SYTL3: variants seen among roughly 807,000 people sequenced by gnomAD.
SYTL3 encodes synaptotagmin-like protein 3.
SYTL3 carries 88 observed loss-of-function variants against 82.1 expected under a neutral mutation model. That is an observed-to-expected ratio of 1.07 (90% CI 0.90 to 1.28). SYTL3 has a LOEUF of 1.28. SYTL3 is among the 50% of genes most tolerant of loss of function. The pLI is 0.00. For missense variants in SYTL3, 831 were observed against 757.6 expected (o/e 1.10, Z -1.14); for synonymous variants, 311 against 289.4 (o/e 1.07, Z -0.76).
chr6:158,760,279 G>A (rs183799524), intron 14 of SYTL3, among the ~76,000 whole-genome samples: 43 of 152,296 alleles, frequency 2.8e-4, no homozygotes, highest in Admixed American at 2.3e-3. Context: ...ACCTGGGTGG[G>A]GTGGATGGGG....
chr6:158,655,734 G>T (rs317792), intron 2 of SYTL3, among the ~76,000 whole-genome samples: 102,480 of 151,984 alleles, frequency 0.67, 35,159 homozygotes, highest in African/African-American at 0.8. Context: ...TCATAGCACC[G>T]CCGTGAAGTG....
At chr6:158,737,727 C>G (rs987994127) in intron 11 of SYTL3, among the ~76,000 whole-genome samples, 5 of 152,238 alleles carry the variant, frequency 3.3e-5, no homozygotes, top group Non-Finnish European at 5.9e-5. Flanking sequence ...ACCAGGAGCC[C>G]TGCCAGGGCG....
chr6:158,709,006 G>T (rs963982418), intron 8 of SYTL3, among the ~76,000 whole-genome samples: 2 of 152,240 alleles, frequency 1.3e-5, no homozygotes, highest in African/African-American at 4.8e-5. Flanking sequence ...GGAGGCCGAG[G>T]TGGGTCACTT....
At chr6:158,728,703 G>A (rs1391068802) in intron 11 of SYTL3, among the ~76,000 whole-genome samples, 1 of 151,152 alleles carries the variant, frequency 6.6e-6, no homozygotes, top group East Asian at 1.9e-4. Context: ...CACTTTGGGA[G>A]GCCAAGGCGG....
chr6:158,760,667 C>T lies in SYTL3; in HGVS notation c.1336C>T (p.Gln446Ter). Residue 446 changes from glutamine (Q) to a stop codon, truncating the protein, a stop_gained, in exon 15 of 18, where the codon CAG (glutamine) becomes TAG (stop). Coordinates refer to ENST00000611299, the MANE Select transcript of SYTL3 (RefSeq NM_001242394.2). LOFTEE classifies it high-confidence loss of function. ...GGAGAAATACGAAGACAGCGTTCCT[C>T]AGAGTAATGGAGAGCTCACAGTCCG... ...KAEKYEDSVP[Q>*]SNGELTVRAK... is the part of the protein sequence containing the mutation. 1 of 1,614,082 alleles carries T rather than the reference C, an allele frequency of 6.2e-7. No individual in the cohort carries two copies.
At chr6:158,671,758 T>A (rs1436802126) in intron 5 of SYTL3, among the ~76,000 whole-genome samples, 3 of 151,622 alleles carry the variant, frequency 2.0e-5, no homozygotes, top group Non-Finnish European at 4.4e-5. Flanking sequence ...AAGATAATTA[T>A]TTAAATTATT....
In SYTL3 at chr6:158,745,564, A is replaced by C. The variant is rs763827654; in HGVS notation, c.940A>C (p.Ile314Leu). The C allele has an allele frequency of 1.6e-5, 26 of 1,613,920 alleles. No individual in the cohort carries two copies. The highest frequency in any genetic ancestry group is 2.2e-5 in the Non-Finnish European group (26 of 1,179,956). Residue 314 changes from isoleucine to leucine, a missense_variant, in exon 12 of 18, where the codon ATT (isoleucine) becomes CTT (leucine). Coordinates refer to ENST00000611299, the MANE Select transcript of SYTL3 (RefSeq NM_001242394.2). Reference sequence around the variant, plus strand: ...TGTCACTGGAGAAATAGAATTTGCCATTCATTATTGCTTCAAAACCCATTC... The same window carrying C: ...TGTCACTGGAGAAATAGAATTTGCCCTTCATTATTGCTTCAAAACCCATTC... ...ANVTGEIEFA[I>L]HYCFKTHSLE...
chr6:158,742,878 C>A (rs1448676618), intron 11 of SYTL3, among the ~76,000 whole-genome samples: 1 of 152,060 alleles, frequency 6.6e-6, no homozygotes, highest in African/African-American at 2.4e-5. Context: ...TGAGCCACTG[C>A]GTCCAGCCAG....
chr6:158,694,757 T>C (rs1224734917), intron 6 of SYTL3, among the ~76,000 whole-genome samples: 1 of 152,218 alleles, frequency 6.6e-6, no homozygotes, highest in Non-Finnish European at 1.5e-5. Context: ...GTTTCCCCGA[T>C]GCTTTCTGAG....
intron 9 of SYTL3, among the ~76,000 whole-genome samples, chr6:158,714,673 T>A (rs915335639): frequency 1.3e-5 from 2 of 152,200 alleles, no homozygotes; most frequent in African/African-American, 4.8e-5. Context: ...CCAGGGCTGG[T>A]CAGGTGTTTA....
At chr6:158,761,273 GGAA>G (rs1465380494) in intron 15 of SYTL3, among the ~76,000 whole-genome samples, 1 of 151,722 alleles carries the variant, frequency 6.6e-6, no homozygotes, top group Non-Finnish European at 1.5e-5. Flanking sequence ...AGGAGGGCGG[GGAA>G]GGAGGACTGG....
intron 6 of SYTL3, among the ~76,000 whole-genome samples, chr6:158,693,852 T>TTC (rs1780239444): frequency 1.2e-5 from 1 of 84,772 alleles, no homozygotes; most frequent in African/African-American, 9.1e-5. Flanking sequence ...TTCTTTTTCT[T>TTC]TTCTTTTTTT....
chr6:158,759,289 C>A (rs1789580361), intron 14 of SYTL3, among the ~76,000 whole-genome samples: 1 of 152,222 alleles, frequency 6.6e-6, no homozygotes, highest in African/African-American at 2.4e-5. Flanking sequence ...GGGAGTCCGC[C>A]CACAGACCCG....
chr6:158,682,839 T>G, intron 5 of SYTL3, 86 bp from the exon 6 acceptor site: 2 of 975,110 alleles, frequency 2.1e-6, no homozygotes, highest in Non-Finnish European at 3.2e-6. Flanking sequence ...TAATATTTTG[T>G]GACCTTACCT....
chr6:158,759,367 C>T (rs949530347), intron 14 of SYTL3, among the ~76,000 whole-genome samples: 2 of 143,280 alleles, frequency 1.4e-5, no homozygotes, highest in African/African-American at 5.2e-5. Context: ...TCATTTGGCA[C>T]CCGAGGGCCA....
chr6:158,752,097 TC>T (rs1337869553), intron 13 of SYTL3, 67 bp downstream of exon 13: 4 of 1,098,314 alleles, frequency 3.6e-6, no homozygotes, highest in East Asian at 5.6e-5. Context: ...TGGGGCAGAG[TC>T]CAGTGGATGG....
chr6:158,745,150 T>G (rs1298400265), intron 11 of SYTL3, among the ~76,000 whole-genome samples: 1 of 151,870 alleles, frequency 6.6e-6, no homozygotes, highest in Non-Finnish European at 1.5e-5. Flanking sequence ...GGATATTATC[T>G]TGGCCTCCTG....
chr6:158,731,056 A>C (rs973688219), intron 11 of SYTL3, among the ~76,000 whole-genome samples: 1 of 152,152 alleles, frequency 6.6e-6, no homozygotes, highest in Non-Finnish European at 1.5e-5. Context: ...AGGCTGAGGC[A>C]GGTGGATCAC....
intron 13 of SYTL3, among the ~76,000 whole-genome samples, chr6:158,756,409 AAAAT>A (rs1456446327): frequency 1.1e-4 from 17 of 152,234 alleles, no homozygotes; most frequent in Non-Finnish European, 2.1e-4. Flanking sequence ...TTTGCTTTAA[AAAAT>A]AAATAAATAA....
Sources: allele counts gnomAD v4.1 joint callset (sites outside exome capture counted in the v4.1 genomes callset), GRCh38; gene constraint gnomAD v4.1.1; transcripts MANE v1.5; gene names NCBI Gene and HGNC (gene_info 2026-07-23, HGNC 2026-07-21).